PCDHA11: variants seen among roughly 807,000 people sequenced by gnomAD.
PCDHA11 encodes the protein protocadherin alpha 11, also known as protocadherin alpha-11.
In PCDHA11, 61 loss-of-function variants were observed where a neutral mutation model predicts 70.3. The observed-to-expected ratio is 0.87, with a 90% CI of 0.71 to 1.07. The LOEUF (loss-of-function observed/expected upper bound fraction) is 1.07. Among genes scored for constraint, PCDHA11 ranks in the 50% least tolerant of loss-of-function variants. The probability of loss-of-function intolerance (pLI) is 0.00; values close to 1 mark genes in which losing one functional copy is unlikely to be tolerated. For missense variants in PCDHA11, 1,324 were observed against 1,237.5 expected (o/e 1.07, Z -1.05); for synonymous variants, 633 against 555.1 (o/e 1.14, Z -1.97).
intron 1 of PCDHA11, among the ~76,000 whole-genome samples, chr5:140,913,040 G>T (rs1554195697): frequency 1.3e-5 from 2 of 152,022 alleles, no homozygotes; most frequent in African/African-American, 4.8e-5. Flanking sequence ...AGATATATTG[G>T]CCTGGAGTTT....
rs1554262965 is a variant in PCDHA11 at position 141,010,497 on chromosome 5, T to A, written c.*560T>A. Reference sequence around the variant, plus strand: ...AAGTGTAAACTTAAAGGGACCAGACTTTCTAAATCTTACAACTCAAGAGGT... The same window carrying A: ...AAGTGTAAACTTAAAGGGACCAGACATTCTAAATCTTACAACTCAAGAGGT... On this transcript the variant is annotated 3_prime_UTR_variant, in exon 4 of 4. Coordinates refer to ENST00000398640, the MANE Select transcript of PCDHA11 (RefSeq NM_018902.5). The A allele has an allele frequency of 1.7e-6, 1 of 584,358 alleles. No homozygotes were observed. Among genetic ancestry groups the A allele is most frequent in the African/African-American group, 1.9e-5 (1 of 53,100 alleles). 36.2% of individuals were successfully genotyped at this position (584,358 alleles called of 1,614,324 possible).
In PCDHA11 at chr5:140,877,291, C is replaced by G. The variant is rs527823173; in HGVS notation, c.2391+5797C>G. On this transcript the variant is annotated intron_variant, in intron 1 of 3. Coordinates refer to ENST00000398640, the MANE Select transcript of PCDHA11 (RefSeq NM_018902.5). ...CGCTGACTCCGGCTATAACGCTTGG[C>G]TGTCCTACGAGTTGCAACCGGCGGC... 4 of 1,613,932 alleles carry G rather than the reference C, an allele frequency of 2.5e-6. No homozygotes were observed. In the African/African-American group the frequency reaches 4.0e-5, roughly 16 times the overall value.
intron 1 of PCDHA11, among the ~76,000 whole-genome samples, chr5:140,974,994 A>G (rs901871984): frequency 6.6e-6 from 1 of 152,126 alleles, no homozygotes; most frequent in South Asian, 2.1e-4. Context: ...AGGTATTCTC[A>G]AGGCTGAAAT....
At chr5:140,895,485 C>A (rs2065029754) in intron 1 of PCDHA11, among the ~76,000 whole-genome samples, 1 of 152,114 alleles carries the variant, frequency 6.6e-6, no homozygotes, top group African/African-American at 2.4e-5. Flanking sequence ...GGAGAAATAC[C>A]TATTCAGAAC....
intron 3 of PCDHA11, among the ~76,000 whole-genome samples, chr5:140,997,463 C>A (rs2097770932): frequency 6.6e-6 from 1 of 152,198 alleles, no homozygotes; most frequent in Admixed American, 6.5e-5. Context: ...ATACTGTAGG[C>A]AATTTTTACA....
chr5:140,929,308 G>A, intron 1 of PCDHA11: 3 of 1,569,682 alleles, frequency 1.9e-6, no homozygotes, highest in East Asian at 2.3e-5. Context: ...AGGGGATCAC[G>A]CTAATGTCAA....
At chr5:141,004,976 A>G (rs1554259837) in intron 3 of PCDHA11, among the ~76,000 whole-genome samples, 1 of 152,248 alleles carries the variant, frequency 6.6e-6, no homozygotes, top group Non-Finnish European at 1.5e-5. Flanking sequence ...GTAAATTTGC[A>G]GTATCATTAT....
At chr5:140,967,881 G>A (rs2096193873) in intron 1 of PCDHA11, 2 of 1,614,034 alleles carry the variant, frequency 1.2e-6, no homozygotes, top group Non-Finnish European at 1.7e-6. Context: ...GACCTGTATA[G>A]CCCAGTGCCT....
chr5:140,945,605 C>G (rs564297850), intron 1 of PCDHA11, among the ~76,000 whole-genome samples: 1 of 152,166 alleles, frequency 6.6e-6, no homozygotes, highest in East Asian at 1.9e-4. Context: ...CTATAATAAT[C>G]AAAACAGCAT....
rs782617385 is a variant in PCDHA11 at position 140,869,245 on chromosome 5, A to T, written c.142A>T (p.Ile48Phe). ...CAAACACGGCACCTTCGTGGGCCGC[A>T]TCGCGCAGGACCTGGGGCTGGAGCT... ...EAKHGTFVGRIAQDLGLELAE... is the reference protein window; with the variant it reads ...EAKHGTFVGRFAQDLGLELAE... Residue 48 changes from isoleucine to phenylalanine, a missense_variant, in exon 1 of 4, where the codon ATC (isoleucine) becomes TTC (phenylalanine). By Grantham distance (21) the Ile-to-Phe change is conservative. Coordinates refer to ENST00000398640, the MANE Select transcript of PCDHA11 (RefSeq NM_018902.5). The T allele has an allele frequency of 8.7e-6, 14 of 1,613,510 alleles. No individual in the cohort carries two copies. The highest frequency in any genetic ancestry group is 1.2e-5 in the Non-Finnish European group (14 of 1,179,954).
intron 3 of PCDHA11, among the ~76,000 whole-genome samples, chr5:140,998,104 G>A (rs1554256160): frequency 6.6e-6 from 1 of 152,132 alleles, no homozygotes; most frequent in African/African-American, 2.4e-5. Context: ...GCAAACAGAG[G>A]AGAAAATTTA....
intron 1 of PCDHA11, among the ~76,000 whole-genome samples, chr5:140,974,689 T>A (rs2153804618): frequency 1.3e-5 from 2 of 152,208 alleles, no homozygotes; most frequent in South Asian, 4.1e-4. Flanking sequence ...TTTTGTATTT[T>A]TGGGTTTCAC....
chr5:140,893,198 C>T (rs1242904411), intron 1 of PCDHA11, among the ~76,000 whole-genome samples: 2 of 152,164 alleles, frequency 1.3e-5, no homozygotes, highest in Admixed American at 6.5e-5. Flanking sequence ...AATAGTGCTG[C>T]AGTAAGTATG....
At chr5:140,884,577 T>C (rs2060274481) in intron 1 of PCDHA11, 2 of 1,614,230 alleles carry the variant, frequency 1.2e-6, no homozygotes, top group East Asian at 4.5e-5. Context: ...ACGGACCTCA[T>C]GGCCTTCAGT....
intron 3 of PCDHA11, among the ~76,000 whole-genome samples, chr5:140,989,495 A>G (rs1408191575): frequency 6.6e-6 from 1 of 152,136 alleles, no homozygotes; most frequent in African/African-American, 2.4e-5. Context: ...AACAAGAAAG[A>G]CCTGCTTATA....
intron 1 of PCDHA11, among the ~76,000 whole-genome samples, chr5:140,912,377 A>T (rs1202586249): frequency 1.3e-5 from 2 of 149,084 alleles, no homozygotes; most frequent in Admixed American, 6.7e-5. Context: ...TGTAAAAGGG[A>T]TTGAGTTCTT....
intron 1 of PCDHA11, chr5:140,968,932 A>C: frequency 6.2e-7 from 1 of 1,614,164 alleles, no homozygotes; most frequent in Non-Finnish European, 8.5e-7. Context: ...TTCTTTTGAC[A>C]ATCATCATTT....
At chr5:140,974,815 A>G (rs990559310) in intron 1 of PCDHA11, among the ~76,000 whole-genome samples, 3 of 152,188 alleles carry the variant, frequency 2.0e-5, no homozygotes, top group Non-Finnish European at 4.4e-5. Context: ...GAAGACCAAT[A>G]TGCAACATAA....
intron 1 of PCDHA11, among the ~76,000 whole-genome samples, chr5:140,888,469 T>C (rs892080299): frequency 2.0e-5 from 3 of 152,230 alleles, no homozygotes; most frequent in South Asian, 4.1e-4. Flanking sequence ...AAAATGTCAG[T>C]AGTTCCACTG....
Sources: gnomAD v4.1 joint callset for allele counts (sites outside exome capture counted in the v4.1 genomes callset) on GRCh38, gnomAD v4.1.1 for gene constraint, MANE v1.5 for transcripts, NCBI Gene and HGNC (gene_info 2026-07-23, HGNC 2026-07-21) for gene names.